Variants in CORIN observed in about 807,000 individuals in gnomAD.
The protein encoded by CORIN is atrial natriuretic peptide-converting enzyme.
In CORIN, 117 loss-of-function variants were observed where a neutral mutation model predicts 125.3. That is an observed-to-expected ratio of 0.93 (90% CI 0.80 to 1.09). The LOEUF (loss-of-function observed/expected upper bound fraction) is 1.09. CORIN is among the 50% of genes least tolerant of loss of function. The probability of loss-of-function intolerance (pLI) is 0.00; values close to 1 mark genes in which losing one functional copy is unlikely to be tolerated. For missense variants in CORIN, 1,253 were observed against 1,306.7 expected, an observed-to-expected ratio of 0.96 and a Z score of 0.63; for synonymous variants, 450 against 466.4, an observed-to-expected ratio of 0.96 and a Z score of 0.45.
intron 21 of CORIN, among the ~76,000 whole-genome samples, chr4:47,599,156 A>C (rs1049586397): frequency 1.3e-4 from 20 of 152,178 alleles, no homozygotes; most frequent in African/African-American, 4.6e-4. Context: ...AATCAAACCC[A>C]GTCCTCCTGT....
chr4:47,669,813 C>T (rs187626986), intron 10 of CORIN, among the ~76,000 whole-genome samples: 180 of 152,230 alleles, frequency 1.2e-3, no homozygotes, highest in African/African-American at 4.1e-3. Context: ...TTGTGATCTG[C>T]CCGCCTCGGC....
chr4:47,598,465 A>G (rs1037154552), intron 21 of CORIN, among the ~76,000 whole-genome samples: 6 of 152,168 alleles, frequency 3.9e-5, no homozygotes, highest in African/African-American at 1.2e-4. Context: ...CCTATTAGGC[A>G]TCATGATAAG....
At chr4:47,786,652 C>T in intron 3 of CORIN, 73 bp downstream of exon 3, 1 of 1,146,688 alleles carries the variant, frequency 8.7e-7, no homozygotes, top group Non-Finnish European at 1.3e-6. Flanking sequence ...GAACTAAAAG[C>T]ATTGGTTGCC....
chr4:47,685,213 A>C (rs1409244507), intron 6 of CORIN, among the ~76,000 whole-genome samples: 1 of 152,226 alleles, frequency 6.6e-6, no homozygotes, highest in Non-Finnish European at 1.5e-5. Context: ...GAAGATTTAT[A>C]TATAGATGTT....
At chr4:47,834,007 A>T (rs973698409) in intron 1 of CORIN, among the ~76,000 whole-genome samples, 1 of 152,202 alleles carries the variant, frequency 6.6e-6, no homozygotes, top group Non-Finnish European at 1.5e-5. Context: ...CAAAAAAATT[A>T]AAAATAGAAC....
chr4:47,719,768 A>T (rs1363753716), intron 5 of CORIN, among the ~76,000 whole-genome samples: 2 of 152,230 alleles, frequency 1.3e-5, no homozygotes, highest in Non-Finnish European at 2.9e-5. Context: ...GCAACTGAAA[A>T]GAATAATATT....
At chr4:47,795,549 A>C (rs917170038) in intron 2 of CORIN, among the ~76,000 whole-genome samples, 4 of 152,038 alleles carry the variant, frequency 2.6e-5, no homozygotes, top group Non-Finnish European at 5.9e-5. Context: ...TCCTATTAAC[A>C]AGGATTTCTT....
rs141103082 is a variant in CORIN, at chr4:47,686,672, T to A, written c.914-2834A>T. Among the ~76,000 whole-genome samples, 385 of 152,280 alleles carry A rather than the reference T, an allele frequency of 2.5e-3. 4 individuals carry two copies. Among genetic ancestry groups the A allele is most frequent in the South Asian group, 0.01 (49 of 4,828 alleles). ...TTTGTCTTAATCTAAATTACTCTTG[T>A]GGGAAGTTTTGAGTCAACATGCTAG... On this transcript the variant is annotated intron_variant, in intron 6 of 21. Transcript: ENST00000273857.
chr4:47,818,358 T>A (rs1356688086), intron 1 of CORIN, among the ~76,000 whole-genome samples: 1 of 151,394 alleles, frequency 6.6e-6, no homozygotes, highest in Non-Finnish European at 1.5e-5. Context: ...GCTTAAAGAG[T>A]TTATTGGAAA....
chr4:47,693,238 T>A (rs575504777), intron 5 of CORIN, among the ~76,000 whole-genome samples, 155 bp from the exon 6 acceptor site: 2 of 152,298 alleles, frequency 1.3e-5, no homozygotes, highest in South Asian at 4.2e-4. Flanking sequence ...TTCTTTGGCA[T>A]CCTAGCACAT....
intron 5 of CORIN, among the ~76,000 whole-genome samples, chr4:47,717,809 T>G (rs143023624): frequency 6.6e-6 from 1 of 152,254 alleles, no homozygotes; most frequent in East Asian, 1.9e-4. Context: ...TGTAGTATAT[T>G]TTATGATTGC....
At chr4:47,722,512 T>C (rs1032924353) in intron 5 of CORIN, among the ~76,000 whole-genome samples, 2 of 152,198 alleles carry the variant, frequency 1.3e-5, no homozygotes, top group Admixed American at 6.6e-5. Context: ...ATAGACAATT[T>C]AAAATATCTT....
At chr4:47,765,805 A>C (rs1246959929) in intron 3 of CORIN, among the ~76,000 whole-genome samples, 1 of 152,048 alleles carries the variant, frequency 6.6e-6, no homozygotes, top group Non-Finnish European at 1.5e-5. Flanking sequence ...GACCATTTGC[A>C]TTTTGTCTTC....
At chr4:47,701,131 A>T (rs961254371) in intron 5 of CORIN, among the ~76,000 whole-genome samples, 4 of 152,232 alleles carry the variant, frequency 2.6e-5, no homozygotes, top group Non-Finnish European at 5.9e-5. Context: ...ATTCTAAAAA[A>T]GGCAATGTCA....
chr4:47,634,081 A>C (rs769672849), intron 16 of CORIN, among the ~76,000 whole-genome samples: 4 of 152,236 alleles, frequency 2.6e-5, no homozygotes, highest in Non-Finnish European at 4.4e-5. Context: ...TGAGTATCAA[A>C]AAGTGGAAAT....
At chr4:47,804,180 G>T (rs1049610270) in intron 2 of CORIN, among the ~76,000 whole-genome samples, 4 of 152,150 alleles carry the variant, frequency 2.6e-5, no homozygotes, top group African/African-American at 4.8e-5. Context: ...AGCTAAAATG[G>T]TTTATATCCA....
intron 12 of CORIN, among the ~76,000 whole-genome samples, chr4:47,656,838 A>G (rs1724007031): frequency 6.6e-6 from 1 of 152,244 alleles, no homozygotes; most frequent in African/African-American, 2.4e-5. Context: ...TGAAGAAGTC[A>G]AATTATTCTT....
At chr4:47,660,428 T>C (rs1560493724) in intron 12 of CORIN, among the ~76,000 whole-genome samples, 1 of 152,152 alleles carries the variant, frequency 6.6e-6, no homozygotes, top group Non-Finnish European at 1.5e-5. Flanking sequence ...AATATCCATA[T>C]GATAAGGGAT....
chr4:47,710,628 C>T (rs995625310), intron 5 of CORIN, among the ~76,000 whole-genome samples: 11 of 152,210 alleles, frequency 7.2e-5, no homozygotes, highest in Non-Finnish European at 1.2e-4. Flanking sequence ...TGTCCTTGGC[C>T]GCTGCTACCA....
Sources: gnomAD v4.1 joint callset for allele counts (sites outside exome capture counted in the v4.1 genomes callset) on GRCh38, gnomAD v4.1.1 for gene constraint, MANE v1.5 for transcripts, NCBI Gene and HGNC (gene_info 2026-07-23, HGNC 2026-07-21) for gene names.